The following PRELID2 variants were observed in gnomAD, a reference collection of about 807,000 sequenced individuals.
The protein encoded by PRELID2 is PRELI domain-containing protein 2.
A neutral mutation model predicts 28.4 loss-of-function variants in PRELID2; 25 were observed. The observed-to-expected ratio is 0.88, with a 90% confidence interval of 0.64 to 1.23. The LOEUF (loss-of-function observed/expected upper bound fraction) is 1.23. PRELID2 is among the 50% of genes most tolerant of loss of function. The pLI is 0.00. For missense variants in PRELID2, 201 were observed against 214.4 expected, an observed-to-expected ratio of 0.94 and a Z score of 0.39; for synonymous variants, 76 against 71.6, an observed-to-expected ratio of 1.06 and a Z score of -0.31.
chr5:145,416,688 A>T, the PRELID2 span, among the ~76,000 whole-genome samples: 1 of 152,154 alleles, frequency 6.6e-6, no homozygotes, highest in Non-Finnish European at 1.5e-5. Flanking sequence ...TGCCCACAAC[A>T]AAAAGCTAGA....
intron 1 of PRELID2, among the ~76,000 whole-genome samples, chr5:145,648,346 G>A (rs1754231398): frequency 6.6e-6 from 1 of 152,128 alleles, no homozygotes; most frequent in South Asian, 2.1e-4. Flanking sequence ...GATGCAAACA[G>A]TACTGCATTT....
At chr5:145,536,521 C>A (rs1454466510) in intron 1 of PRELID2, among the ~76,000 whole-genome samples, 1 of 151,856 alleles carries the variant, frequency 6.6e-6, no homozygotes, top group South Asian at 2.1e-4. Flanking sequence ...CATGATCTTG[C>A]AAAATGTTCT....
intron 1 of PRELID2, among the ~76,000 whole-genome samples, chr5:145,556,103 G>C (rs1045987404): frequency 6.6e-6 from 1 of 151,022 alleles, no homozygotes; most frequent in Admixed American, 6.6e-5. Flanking sequence ...GCTTGAACTC[G>C]GGAGGCGGAA....
the PRELID2 span, among the ~76,000 whole-genome samples, chr5:145,438,065 T>C: frequency 9.2e-5 from 14 of 152,198 alleles, no homozygotes; most frequent in Non-Finnish European, 1.8e-4. Flanking sequence ...TTCTTATTTT[T>C]CCTCACCTGA....
At chr5:145,251,395 A>C in the PRELID2 span, among the ~76,000 whole-genome samples, 1 of 152,100 alleles carries the variant, frequency 6.6e-6, no homozygotes, top group Non-Finnish European at 1.5e-5. Context: ...TTGCTGTTAG[A>C]ATATATCACC....
chr5:145,381,676 T>A, the PRELID2 span: 1 of 152,464 alleles, frequency 6.6e-6, no homozygotes, highest in Non-Finnish European at 1.5e-5. Context: ...AAAACAGCCA[T>A]ACCTCAGAAG....
the PRELID2 span, among the ~76,000 whole-genome samples, chr5:145,295,970 T>C: frequency 6.6e-6 from 1 of 152,132 alleles, no homozygotes. Flanking sequence ...AAAAGAAATA[T>C]AAGAATAAAT....
At chr5:145,460,765 G>C in the PRELID2 span, among the ~76,000 whole-genome samples, 3 of 152,158 alleles carry the variant, frequency 2.0e-5, no homozygotes, top group Non-Finnish European at 4.4e-5. Flanking sequence ...TTCATATCCT[G>C]AGCCCAAAGT....
chr5:145,591,314 G>T (rs1753223777), intron 1 of PRELID2, among the ~76,000 whole-genome samples: 1 of 151,202 alleles, frequency 6.6e-6, no homozygotes, highest in Non-Finnish European at 1.5e-5. Flanking sequence ...AAAAAAAATT[G>T]AGACCCACAT....
the PRELID2 span, among the ~76,000 whole-genome samples, chr5:145,379,521 C>A: frequency 2.1e-4 from 32 of 152,232 alleles, no homozygotes; most frequent in African/African-American, 7.7e-4. Flanking sequence ...AGTGGTCACT[C>A]AGGGTGAGGT....
intron 4 of PRELID2, among the ~76,000 whole-genome samples, chr5:145,810,362 C>G (rs1161396062): frequency 2.6e-5 from 4 of 152,146 alleles, no homozygotes; most frequent in Admixed American, 2.6e-4. Flanking sequence ...TCTACAACTG[C>G]CAAGATCACT....
intron 1 of PRELID2, among the ~76,000 whole-genome samples, chr5:145,673,992 T>C (rs1245866259): frequency 1.3e-5 from 2 of 152,178 alleles, no homozygotes; most frequent in Non-Finnish European, 2.9e-5. Flanking sequence ...CTTTCATACT[T>C]AGTGAGTGCC....
At chr5:145,313,236 AT>A in the PRELID2 span, among the ~76,000 whole-genome samples, 2 of 152,194 alleles carry the variant, frequency 1.3e-5, no homozygotes, top group Admixed American at 6.5e-5. Context: ...TATGCTGACA[AT>A]TCATCCAGTT....
At chr5:145,229,988 C>A in the PRELID2 span, 1 of 735,780 alleles carries the variant, frequency 1.4e-6, no homozygotes, top group Non-Finnish European at 2.5e-6. Context: ...ACACCGGGTT[C>A]ATCAACATCA....
the PRELID2 span, among the ~76,000 whole-genome samples, chr5:145,406,461 G>T: frequency 6.6e-6 from 1 of 152,154 alleles, no homozygotes; most frequent in African/African-American, 2.4e-5. Context: ...GGCAGAGAAA[G>T]AATTAACAAG....
At chr5:145,357,605 T>C in the PRELID2 span, among the ~76,000 whole-genome samples, 1 of 152,186 alleles carries the variant, frequency 6.6e-6, no homozygotes, top group Non-Finnish European at 1.5e-5. Context: ...TCAGTTTGGT[T>C]CTTTATTAAA....
At chr5:145,734,567 T>C (rs10515558) in intron 1 of PRELID2, among the ~76,000 whole-genome samples, 3,640 of 152,300 alleles carry the variant, frequency 0.024, 139 homozygotes, top group African/African-American at 0.083. Flanking sequence ...GCAGTGATTA[T>C]TCAGGATGCT....
chr5:145,577,253 G>T (rs957682302), intron 1 of PRELID2, among the ~76,000 whole-genome samples: 2 of 152,102 alleles, frequency 1.3e-5, no homozygotes, highest in African/African-American at 4.8e-5. Flanking sequence ...CCAGTTATCA[G>T]CCCTAAAGAA....
chr5:145,592,514 A>G (rs1342984915), intron 1 of PRELID2, among the ~76,000 whole-genome samples: 1 of 152,136 alleles, frequency 6.6e-6, no homozygotes, highest in Non-Finnish European at 1.5e-5. Flanking sequence ...AGTGATGACC[A>G]CAGCAGAATA....
Sources: gnomAD v4.1 joint callset for allele counts (sites outside exome capture counted in the v4.1 genomes callset) on GRCh38, gnomAD v4.1.1 for gene constraint, MANE v1.5 for transcripts, NCBI Gene and HGNC (gene_info 2026-07-23, HGNC 2026-07-21) for gene names.